Variants in ATXN1 observed in about 807,000 individuals in gnomAD.
ATXN1 encodes ataxin 1.
A neutral mutation model predicts 56.4 loss-of-function variants in ATXN1; 8 were observed. The ratio of observed to expected loss-of-function variants is 0.14; its 90% CI spans 0.08 to 0.26. The LOEUF is 0.26. Among genes scored for constraint, ATXN1 ranks in the 10% least tolerant of loss-of-function variants. The pLI is 1.00. For missense variants in ATXN1, 987 were observed against 1,106.5 expected (o/e 0.89, Z 1.53); for synonymous variants, 514 against 494.6 (o/e 1.04, Z -0.52).
chr6:16,605,229 A>C (rs992582401), intron 3 of ATXN1, among the ~76,000 whole-genome samples: 1 of 152,214 alleles, frequency 6.6e-6, no homozygotes, highest in Admixed American at 6.5e-5. Flanking sequence ...ACAACACTAA[A>C]TTCTCCTTTA....
chr6:16,584,621 G>A (rs189033368), intron 4 of ATXN1, among the ~76,000 whole-genome samples: 1 of 150,932 alleles, frequency 6.6e-6, no homozygotes, highest in Admixed American at 6.6e-5. Flanking sequence ...CAATTTACTT[G>A]ACTTACAAAT....
chr6:16,647,250 C>T (rs1763815562), intron 3 of ATXN1, among the ~76,000 whole-genome samples: 1 of 152,156 alleles, frequency 6.6e-6, no homozygotes, highest in South Asian at 2.1e-4. Flanking sequence ...GATCCACCCA[C>T]CATGGCCTCC....
intron 4 of ATXN1, among the ~76,000 whole-genome samples, chr6:16,545,825 T>C (rs895426425): frequency 6.6e-6 from 1 of 152,242 alleles, no homozygotes; most frequent in Non-Finnish European, 1.5e-5. Flanking sequence ...TGAATGCAGT[T>C]GTATGTATAA....
intron 6 of ATXN1, among the ~76,000 whole-genome samples, chr6:16,350,841 A>AG (rs747496733): frequency 2.0e-5 from 3 of 152,142 alleles, no homozygotes; most frequent in Non-Finnish European, 2.9e-5. Context: ...CCAGCACTTC[A>AG]GGAGGCCGAG....
At chr6:16,332,289 C>T (rs1761009500) in intron 6 of ATXN1, among the ~76,000 whole-genome samples, 2 of 152,184 alleles carry the variant, frequency 1.3e-5, no homozygotes, top group Non-Finnish European at 2.9e-5. Context: ...AATGAACCAC[C>T]AGAGGGCGCC....
At chr6:16,553,033 G>A (rs895031717) in intron 4 of ATXN1, among the ~76,000 whole-genome samples, 2 of 152,190 alleles carry the variant, frequency 1.3e-5, no homozygotes, top group Non-Finnish European at 2.9e-5. Context: ...CAATCTTTTC[G>A]GAGGTGTTGT....
In ATXN1 at chr6:16,716,019, C is replaced by G. The variant is rs560940006; in HGVS notation, c.-615+37214G>C. On this transcript the variant is annotated intron_variant, in intron 2 of 7. Coordinates refer to ENST00000436367, the MANE Select transcript of ATXN1 (RefSeq NM_001128164.2). Reference sequence around the variant, plus strand: ...CTCCTTTGAGACAGAGCTCAAACATCTCCAACCCTATGGAGCCATTCCTGA... The same window carrying G: ...CTCCTTTGAGACAGAGCTCAAACATGTCCAACCCTATGGAGCCATTCCTGA... Among the ~76,000 whole-genome samples the G allele has an allele frequency of 9.2e-5, 14 of 152,328 alleles. No homozygotes were observed. In the South Asian group the frequency reaches 2.5e-3, roughly 27 times the overall value.
At chr6:16,408,514 G>GT (rs1758732774) in intron 6 of ATXN1, among the ~76,000 whole-genome samples, 1 of 134,348 alleles carries the variant, frequency 7.4e-6, no homozygotes, top group African/African-American at 2.6e-5. Context: ...GATGAGGATG[G>GT]TAAAAAAAAA....
chr6:16,408,489 G>A (rs1758731254), intron 6 of ATXN1, among the ~76,000 whole-genome samples: 1 of 150,186 alleles, frequency 6.7e-6, no homozygotes, highest in African/African-American at 2.4e-5. Flanking sequence ...GGAAGAAGAT[G>A]AGAATGAGGA....
chr6:16,515,644 C>T (rs1761167841), intron 5 of ATXN1, among the ~76,000 whole-genome samples: 1 of 152,160 alleles, frequency 6.6e-6, no homozygotes, highest in African/African-American at 2.4e-5. Context: ...GTCCATTCTC[C>T]GTGTTGAGTC....
intron 3 of ATXN1, chr6:16,615,389 T>C (rs2113795069): frequency 6.6e-6 from 1 of 150,790 alleles, no homozygotes; most frequent in East Asian, 1.9e-4. Flanking sequence ...AAATCCCCGC[T>C]TGATGGTACA....
intron 6 of ATXN1, among the ~76,000 whole-genome samples, chr6:16,395,727 T>G (rs1758441523): frequency 6.6e-6 from 1 of 152,044 alleles, no homozygotes; most frequent in African/African-American, 2.4e-5. Flanking sequence ...CTATAAGAAA[T>G]TAACTGTAGG....
chr6:16,632,997 CAA>C (rs11289596), intron 3 of ATXN1, among the ~76,000 whole-genome samples: 62 of 125,894 alleles, frequency 4.9e-4, no homozygotes, highest in Admixed American at 7.1e-4. Context: ...AACTCCGCCT[CAA>C]AAAAAAAAAA....
intron 2 of ATXN1, among the ~76,000 whole-genome samples, chr6:16,659,997 T>C (rs1461967015): frequency 6.6e-6 from 1 of 152,216 alleles, no homozygotes; most frequent in Admixed American, 6.5e-5. Context: ...TACTTATATC[T>C]GTAGATGTGA....
chr6:16,383,131 A>T (rs1368870291), intron 6 of ATXN1, among the ~76,000 whole-genome samples: 1 of 152,178 alleles, frequency 6.6e-6, no homozygotes, highest in Non-Finnish European at 1.5e-5. Flanking sequence ...AATTTGGCCT[A>T]ATCTAAGTTT....
intron 2 of ATXN1, among the ~76,000 whole-genome samples, chr6:16,690,783 T>C (rs1414915223): frequency 3.9e-5 from 6 of 152,134 alleles, no homozygotes; most frequent in South Asian, 2.1e-4. Context: ...CCAGCACCAA[T>C]GTAGTCAGTG....
intron 6 of ATXN1, among the ~76,000 whole-genome samples, chr6:16,389,912 G>A (rs1581730680): frequency 6.6e-6 from 1 of 152,184 alleles, no homozygotes; most frequent in East Asian, 1.9e-4. Context: ...TCCTGTGTAC[G>A]TTCACCTTTT....
intron 1 of ATXN1, among the ~76,000 whole-genome samples, chr6:16,757,830 T>A (rs1760936276): frequency 7.0e-6 from 1 of 143,612 alleles, no homozygotes; most frequent in Non-Finnish European, 1.5e-5. Flanking sequence ...AAAGCAACTT[T>A]TCCTTTTTTC....
chr6:16,397,898 T>C (rs1581735694), intron 6 of ATXN1, among the ~76,000 whole-genome samples: 1 of 152,340 alleles, frequency 6.6e-6, no homozygotes, highest in African/African-American at 2.4e-5. Context: ...GATTACCTCA[T>C]TAACTCCTCG....
Sources: allele counts gnomAD v4.1 joint callset (sites outside exome capture counted in the v4.1 genomes callset), GRCh38; gene constraint gnomAD v4.1.1; transcripts MANE v1.5; gene names NCBI Gene and HGNC (gene_info 2026-07-23, HGNC 2026-07-21).